Variants in ARK2C observed in about 807,000 individuals in gnomAD.
The protein encoded by ARK2C is E3 ubiquitin-protein ligase ARK2C.
At chr18:46,345,069 G>A in the ARK2C span, among the ~76,000 whole-genome samples, 1 of 152,242 alleles carries the variant, frequency 6.6e-6, no homozygotes, top group African/African-American at 2.4e-5. Context: ...CCAAGCTGAT[G>A]CTGAGGCTGC....
chr18:46,370,070 G>T, the ARK2C span, among the ~76,000 whole-genome samples: 1 of 152,204 alleles, frequency 6.6e-6, no homozygotes, highest in Admixed American at 6.5e-5. Context: ...AGCTGAGAAA[G>T]GCCTTGCTGC....
chr18:46,456,693 A>G, the ARK2C span: 7 of 1,212,974 alleles, frequency 5.8e-6, no homozygotes, highest in Non-Finnish European at 8.6e-6. Flanking sequence ...CCACGGCCAT[A>G]GCCCTTGCAG....
At chr18:46,453,145 G>A in the ARK2C span, among the ~76,000 whole-genome samples, 7 of 152,288 alleles carry the variant, frequency 4.6e-5, no homozygotes, top group Middle Eastern at 3.4e-3. Context: ...GGATTTATTC[G>A]TAAATGATTT....
the ARK2C span, among the ~76,000 whole-genome samples, chr18:46,419,921 G>A: frequency 1.3e-5 from 2 of 151,946 alleles, no homozygotes; most frequent in Admixed American, 6.6e-5. Context: ...CCTTTCTCAT[G>A]TATTTCCACT....
the ARK2C span, among the ~76,000 whole-genome samples, chr18:46,422,289 T>C: frequency 6.6e-6 from 1 of 152,238 alleles, no homozygotes; most frequent in East Asian, 1.9e-4. Context: ...CTGTATCACT[T>C]TCCCAAGCAC....
chr18:46,375,771 T>A, the ARK2C span, among the ~76,000 whole-genome samples: 1 of 152,060 alleles, frequency 6.6e-6, no homozygotes, highest in Non-Finnish European at 1.5e-5. Context: ...GAGCAGCACA[T>A]AGGGCAGAAG....
the ARK2C span, among the ~76,000 whole-genome samples, chr18:46,441,665 G>A: frequency 2.6e-5 from 4 of 151,832 alleles, no homozygotes; most frequent in African/African-American, 9.7e-5. Context: ...GAGGCAGGCA[G>A]ATCATGAGGT....
the ARK2C span, among the ~76,000 whole-genome samples, chr18:46,377,237 GA>G: frequency 5.7e-3 from 862 of 152,248 alleles, 6 homozygotes; most frequent in Middle Eastern, 0.02. Flanking sequence ...ATCCTTTAAA[GA>G]AAAAAAGTTT....
the ARK2C span, among the ~76,000 whole-genome samples, chr18:46,397,453 G>GT: frequency 9.2e-5 from 11 of 118,946 alleles, no homozygotes; most frequent in African/African-American, 3.7e-4. Context: ...GGTGTGAGGG[G>GT]GTGTGTGTGT....
chr18:46,418,609 G>A, the ARK2C span, among the ~76,000 whole-genome samples: 2 of 152,226 alleles, frequency 1.3e-5, no homozygotes, highest in Non-Finnish European at 2.9e-5. Flanking sequence ...CAATGGCAAG[G>A]ATTTTTAACT....
At chr18:46,447,105 C>T in the ARK2C span, among the ~76,000 whole-genome samples, 2 of 152,114 alleles carry the variant, frequency 1.3e-5, no homozygotes, top group Non-Finnish European at 2.9e-5. Context: ...TGCGGTGGGC[C>T]AGGATAAGCT....
the ARK2C span, among the ~76,000 whole-genome samples, chr18:46,371,429 C>T: frequency 6.6e-6 from 1 of 152,176 alleles, no homozygotes; most frequent in African/African-American, 2.4e-5. Flanking sequence ...AGGGATGACC[C>T]AGGCCCTGAC....
At chr18:46,345,786 G>A in the ARK2C span, among the ~76,000 whole-genome samples, 1 of 152,146 alleles carries the variant, frequency 6.6e-6, no homozygotes, top group Non-Finnish European at 1.5e-5. Context: ...TTTCATTCAG[G>A]CAGGTCAGTC....
the ARK2C span, among the ~76,000 whole-genome samples, chr18:46,349,078 G>GA: frequency 6.6e-6 from 1 of 152,244 alleles, no homozygotes; most frequent in South Asian, 2.1e-4. Context: ...GGGAGACTGA[G>GA]AAAAAGGCCA....
the ARK2C span, among the ~76,000 whole-genome samples, chr18:46,407,681 T>C: frequency 1.3e-5 from 2 of 152,142 alleles, no homozygotes; most frequent in African/African-American, 2.4e-5. Context: ...TTGCTATTCA[T>C]AGTTGGATTT....
chr18:46,356,789 G>A, the ARK2C span, among the ~76,000 whole-genome samples: 1 of 152,108 alleles, frequency 6.6e-6, no homozygotes, highest in Non-Finnish European at 1.5e-5. Context: ...TCTTCTCCCC[G>A]CAGCTTCCTG....
the ARK2C span, among the ~76,000 whole-genome samples, chr18:46,391,899 C>T: frequency 2.0e-5 from 3 of 151,818 alleles, no homozygotes; most frequent in Admixed American, 1.3e-4. Flanking sequence ...ACACATACTA[C>T]ACACACCAAC....
chr18:46,390,785 C>T, the ARK2C span, among the ~76,000 whole-genome samples: 109 of 152,092 alleles, frequency 7.2e-4, no homozygotes, highest in African/African-American at 2.4e-3. Flanking sequence ...ACTTCTGAGC[C>T]GGGCACCCTT....
the ARK2C span, among the ~76,000 whole-genome samples, chr18:46,416,621 G>T: frequency 6.6e-6 from 1 of 152,232 alleles, no homozygotes; most frequent in Non-Finnish European, 1.5e-5. Context: ...CTTTTATGCA[G>T]CTCACAAGTC....
Sources: allele counts gnomAD v4.1 joint callset (sites outside exome capture counted in the v4.1 genomes callset), GRCh38; gene constraint gnomAD v4.1.1; transcripts MANE v1.5; gene names NCBI Gene and HGNC (gene_info 2026-07-23, HGNC 2026-07-21).